GRM7: variants seen among roughly 807,000 people sequenced by gnomAD.
GRM7 encodes the protein glutamate metabotropic receptor 7, also known as metabotropic glutamate receptor 7.
A neutral mutation model predicts 84.5 loss-of-function variants in GRM7; 35 were observed. The observed-to-expected ratio is 0.41, with a 90% CI of 0.32 to 0.55. The LOEUF (loss-of-function observed/expected upper bound fraction) is 0.55. Among genes scored for constraint, GRM7 ranks in the 20% least tolerant of loss-of-function variants. GRM7 has a pLI of 0.19. For missense variants in GRM7, 1,003 were observed against 1,194.6 expected (o/e 0.84, Z 2.36); for synonymous variants, 487 against 455.1 (o/e 1.07, Z -0.89).
At chr3:6,994,718 A>G (rs73128543) in intron 1 of GRM7, among the ~76,000 whole-genome samples, 6,881 of 152,252 alleles carry the variant, frequency 0.045, 528 homozygotes, top group African/African-American at 0.16. Context: ...GACTTCAGCC[A>G]GTGATAGAAA....
intron 9 of GRM7, among the ~76,000 whole-genome samples, chr3:7,717,293 A>C (rs560703826): frequency 1.3e-5 from 2 of 152,292 alleles, no homozygotes; most frequent in East Asian, 3.9e-4. Flanking sequence ...TAAATCACAC[A>C]AAGTTATTTT....
intron 4 of GRM7, among the ~76,000 whole-genome samples, chr3:7,349,738 T>G (rs756590519): frequency 6.6e-5 from 10 of 152,168 alleles, no homozygotes; most frequent in Admixed American, 4.6e-4. Context: ...CAAACAAGTT[T>G]ATATTTGAGC....
At chr3:7,344,761 G>A (rs950810233) in intron 4 of GRM7, among the ~76,000 whole-genome samples, 1 of 152,098 alleles carries the variant, frequency 6.6e-6, no homozygotes, top group Non-Finnish European at 1.5e-5. Flanking sequence ...GATACTTGAG[G>A]CTCAGAAGGT....
intron 8 of GRM7, among the ~76,000 whole-genome samples, chr3:7,593,142 G>T (rs1050359527): frequency 1.3e-5 from 2 of 152,116 alleles, no homozygotes; most frequent in East Asian, 3.9e-4. Context: ...ATACTATTTT[G>T]ATGAGATCAT....
rs1343885559 is a variant in GRM7, at chr3:7,656,551, A to ACACT, written c.2452-23495_2452-23494insTCAC. ...TATATATATATATACGCGCGCGCAC[A>ACACT]CACACACACACACACACACACACAC... On this transcript the variant is annotated intron_variant, in intron 8 of 9. Coordinates refer to ENST00000357716, the MANE Select transcript of GRM7 (RefSeq NM_000844.4). 2.9e-3 allele frequency among the ~76,000 whole-genome samples: 383 copies of ACACT among 130,950 alleles called. 8 individuals carry two copies. Among genetic ancestry groups the ACACT allele is most frequent in the Middle Eastern group, 0.019 (5 of 270 alleles). The allele number at this position is 130,950 out of a possible 152,430, so 85.9% of individuals were successfully genotyped here. A position where few individuals can be genotyped will look rare whatever the true frequency, so the allele number is the denominator to read the frequency against.
chr3:7,240,120 G>GTTTTTTTTTTTTTTTTTTTTTTTTTT (rs397988598), intron 2 of GRM7, among the ~76,000 whole-genome samples: 1 of 52,732 alleles, frequency 1.9e-5, no homozygotes, highest in Non-Finnish European at 3.3e-5. Context: ...AGCATGTGAG[G>GTTTTTTTTTTTTTTTTTTTTTTTTTT]TTTTTTTTTT....
At chr3:6,935,975 C>G (rs190465346) in intron 1 of GRM7, among the ~76,000 whole-genome samples, 26 of 152,280 alleles carry the variant, frequency 1.7e-4, no homozygotes, top group African/African-American at 5.5e-4. Context: ...TCCCTGATTG[C>G]TGGGATTCCA....
intron 4 of GRM7, among the ~76,000 whole-genome samples, chr3:7,366,723 T>C (rs1157096805): frequency 6.6e-6 from 1 of 151,822 alleles, no homozygotes; most frequent in Non-Finnish European, 1.5e-5. Flanking sequence ...TTGAGAAAAC[T>C]ATGTGAGAGC....
At chr3:7,332,129 T>A (rs1004203052) in intron 4 of GRM7, among the ~76,000 whole-genome samples, 1 of 152,176 alleles carries the variant, frequency 6.6e-6, no homozygotes, top group African/African-American at 2.4e-5. Context: ...ACACCACACC[T>A]GAGCAGGATA....
intron 2 of GRM7, among the ~76,000 whole-genome samples, chr3:7,234,337 G>T (rs1254622143): frequency 1.3e-5 from 2 of 152,106 alleles, no homozygotes; most frequent in Non-Finnish European, 2.9e-5. Context: ...CACATATGTG[G>T]ATTCTCATTG....
chr3:7,011,156 C>G (rs369772171), intron 1 of GRM7, among the ~76,000 whole-genome samples: 23 of 152,056 alleles, frequency 1.5e-4, no homozygotes, highest in African/African-American at 5.6e-4. Flanking sequence ...GGACAAAAAT[C>G]ATAAATAATT....
At chr3:7,380,490 G>C (rs1373441082) in intron 4 of GRM7, among the ~76,000 whole-genome samples, 1 of 152,192 alleles carries the variant, frequency 6.6e-6, no homozygotes, top group Non-Finnish European at 1.5e-5. Context: ...ATCATTGGTT[G>C]ATTCTGTACA....
chr3:7,230,343 T>C (rs1340102972), intron 2 of GRM7, among the ~76,000 whole-genome samples: 1 of 152,180 alleles, frequency 6.6e-6, no homozygotes, highest in Non-Finnish European at 1.5e-5. Context: ...GGAATGTGAA[T>C]ATCAAGAGCA....
chr3:6,959,296 G>T (rs2125079832), intron 1 of GRM7, among the ~76,000 whole-genome samples: 1 of 152,110 alleles, frequency 6.6e-6, no homozygotes, highest in South Asian at 2.1e-4. Flanking sequence ...ATCAAGAAAA[G>T]ATTAAATTAT....
intron 1 of GRM7, among the ~76,000 whole-genome samples, chr3:6,938,129 G>C (rs1053871909): frequency 6.6e-6 from 1 of 152,110 alleles, no homozygotes; most frequent in Admixed American, 6.6e-5. Flanking sequence ...TTCCAATAGA[G>C]TCTCTAAGAA....
intron 4 of GRM7, among the ~76,000 whole-genome samples, chr3:7,320,212 A>G (rs1700726520): frequency 6.6e-6 from 1 of 151,756 alleles, no homozygotes; most frequent in Non-Finnish European, 1.5e-5. Flanking sequence ...TTTTTTTCTC[A>G]TCTATTGCTA....
intron 1 of GRM7, among the ~76,000 whole-genome samples, chr3:6,975,697 T>G (rs888504859): frequency 6.6e-6 from 1 of 152,120 alleles, no homozygotes; most frequent in Admixed American, 6.6e-5. Context: ...TCTAATATAT[T>G]TTATTTTGCT....
chr3:7,086,050 AT>A (rs34683719), intron 1 of GRM7, among the ~76,000 whole-genome samples: 75,603 of 151,520 alleles, frequency 0.5, 20,155 homozygotes, highest in African/African-American at 0.7. Context: ...TGCAAAAATT[AT>A]TTTTTTTTGA....
intron 1 of GRM7, among the ~76,000 whole-genome samples, chr3:6,920,674 T>C (rs770492936): frequency 1.5e-4 from 23 of 152,148 alleles, no homozygotes; most frequent in Non-Finnish European, 2.6e-4. Context: ...CCCAGTTAAA[T>C]CCCCAGCCTG....
Sources: gnomAD v4.1 joint callset for allele counts (sites outside exome capture counted in the v4.1 genomes callset) on GRCh38, gnomAD v4.1.1 for gene constraint, MANE v1.5 for transcripts, NCBI Gene and HGNC (gene_info 2026-07-23, HGNC 2026-07-21) for gene names.